The following SLC48A1 variants were observed in gnomAD, a reference collection of about 807,000 sequenced individuals.
SLC48A1 encodes heme transporter HRG1.
A neutral mutation model predicts 14.8 loss-of-function variants in SLC48A1; 6 were observed. The observed-to-expected ratio is 0.41, with a 90% CI of 0.22 to 0.80. SLC48A1 has a LOEUF of 0.80. Ranked by LOEUF, SLC48A1 falls within the 30% of genes least tolerant of loss-of-function variation. The pLI is 0.34. For missense variants in SLC48A1, 165 were observed against 204.8 expected (o/e 0.81, Z 1.19); for synonymous variants, 89 against 90.0 (o/e 0.99, Z 0.06).
intron 2 of SLC48A1, among the ~76,000 whole-genome samples, chr12:47,763,041 C>A (rs1942422253): frequency 6.6e-6 from 1 of 152,160 alleles, no homozygotes; most frequent in Non-Finnish European, 1.5e-5. Flanking sequence ...CAGTGTCTGG[C>A]ATGAAGCTGA....
Position 47,780,309 on chromosome 12 carries a change from G to A in SLC48A1, c.*28G>A. 6.2e-7 allele frequency: 1 copy of A among 1,614,034 alleles called. No homozygotes were observed. On this transcript the variant is annotated 3_prime_UTR_variant, in exon 3 of 3. Coordinates refer to ENST00000442218, the MANE Select transcript of SLC48A1 (RefSeq NM_017842.3). ...CAGGGGGTGAGGTCTCTGCACCCTG[G>A]GGGGGCCTTAGGACCTGGACTCAGC...
At chr12:47,773,223 G>C (rs1942664554), upstream of SLC48A1, 2 of 1,098,956 alleles carry the variant, frequency 1.8e-6, no homozygotes, top group South Asian at 8.5e-5. Flanking sequence ...GGCGGCTCCC[G>C]CGGCTCCGGC....
In SLC48A1 at chr12:47,773,341, G is replaced by T. The variant is rs1429094557; in HGVS notation, c.37G>T (p.Ala13Ser). Reference sequence around the variant, plus strand: ...CAGGCTGCAGCTCGGCCTCCGCGCCGCCTACTCCGGCATCAGCTCCGTGGC... The same window carrying T: ...CAGGCTGCAGCTCGGCCTCCGCGCCTCCTACTCCGGCATCAGCTCCGTGGC... ...PSRLQLGLRA[A>S]YSGISSVAGF... is the part of the protein sequence containing the mutation. Residue 13 changes from alanine (A) to serine (S), a missense_variant, in exon 1 of 3, where the codon GCC becomes TCC. By Grantham distance (99) the Ala-to-Ser change is moderately conservative (BLOSUM62 1). Transcript: ENST00000442218. 1.4e-6 allele frequency: 2 copies of T among 1,473,692 alleles called. No individual in the cohort carries two copies. Among genetic ancestry groups the T allele is most frequent in the Admixed American group, 2.5e-5 (1 of 40,660 alleles). 91.3% of individuals were successfully genotyped at this position (1,473,692 alleles called of 1,614,324 possible).
rs149782280 is a variant in SLC48A1, at chr12:47,763,873, C to G, written c.-187+3472C>G. 3.0e-3 allele frequency among the ~76,000 whole-genome samples: 452 copies of G among 152,316 alleles called. 2 individuals carry two copies. The highest frequency in any genetic ancestry group is 0.01 in the African/African-American group (432 of 41,570). ...GGTGAAAGCAGGAACCCCACACTCT[C>G]CTGGAGGCACATTCCTCTGGCTGGT... is the stretch of plus-strand genomic sequence containing the variant. On this transcript the variant is annotated intron_variant, in intron 2 of 4. Transcript: ENST00000547002.
intron 1 of SLC48A1, among the ~76,000 whole-genome samples, chr12:47,760,054 G>C (rs75596544): frequency 7.1e-6 from 1 of 141,604 alleles, no homozygotes; most frequent in African/African-American, 2.5e-5. Context: ...CTTGAAAGTG[G>C]GGAGAGAAAT....
chr12:47,760,966 G>A (rs1038302732), intron 2 of SLC48A1, among the ~76,000 whole-genome samples: 38 of 152,200 alleles, frequency 2.5e-4, no homozygotes, highest in South Asian at 2.1e-4. Context: ...GGAGGCTGAG[G>A]TGGGGGTGAA....
Position 47,781,198 on chromosome 12 carries a change from GA to G in SLC48A1, c.*918del. On this transcript the variant is annotated 3_prime_UTR_variant, in exon 3 of 3. Transcript: ENST00000442218. Reference sequence around the variant, plus strand: ...ACACAGGCATCCATACACCCCAGAAGACTTCCCAAATGAGGCCAGACTCAGG... The same window carrying G: ...ACACAGGCATCCATACACCCCAGAAGCTTCCCAAATGAGGCCAGACTCAGG... 3.9e-6 allele frequency: 1 copy of G among 257,840 alleles called. No individual in the cohort carries two copies. The highest frequency in any genetic ancestry group is 7.7e-6 in the Non-Finnish European group (1 of 129,480). 16.0% of individuals were successfully genotyped at this position (257,840 alleles called of 1,614,324 possible). A position where few individuals can be genotyped will look rare whatever the true frequency, so the allele number is the denominator to read the frequency against.
chr12:47,758,931 T>G, intron 1 of SLC48A1: 1 of 1,031,850 alleles, frequency 9.7e-7, no homozygotes. Flanking sequence ...CCCGCCCCCT[T>G]CCCCTCCCCA....
chr12:47,782,054 A>G lies in SLC48A1; in HGVS notation c.*1773A>G, dbSNP rs4760654. 119,844 of 152,268 alleles carry G rather than the reference A, an allele frequency of 0.79. 47,411 individuals carry two copies. Among genetic ancestry groups the G allele is most frequent in the East Asian group, 0.92 (4,745 of 5,152 alleles). The allele number at this position is 152,268 out of a possible 1,614,324, so 9.4% of individuals were successfully genotyped here. A position where few individuals can be genotyped will look rare whatever the true frequency, so the allele number is the denominator to read the frequency against. On this transcript the variant is annotated 3_prime_UTR_variant, in exon 3 of 3. Transcript: ENST00000442218. ...TTCCCTCACACTCTGCCAGGCTGCCAGGAGCTTGGGCCAGGTCTAAGGTAA... is the reference window on the plus strand; with the variant it reads ...TTCCCTCACACTCTGCCAGGCTGCCGGGAGCTTGGGCCAGGTCTAAGGTAA...
intron 1 of SLC48A1, 22 bp downstream of exon 1, chr12:47,773,462 CGCGGGGCGGGTGCGCGGCT>C (rs1172626194): frequency 3.8e-6 from 5 of 1,318,766 alleles, no homozygotes; most frequent in African/African-American, 3.1e-5. Context: ...CGCTGGGCGG[CGCGGGGCGGGTGCGCGGCT>C]GCGGGGCGGG....
At chr12:47,776,049 T>A (rs528504359) in intron 1 of SLC48A1, among the ~76,000 whole-genome samples, 52 of 152,310 alleles carry the variant, frequency 3.4e-4, no homozygotes, top group African/African-American at 1.2e-3. Flanking sequence ...TTTTCCCAGG[T>A]GAGCTGTGAG....
Position 47,779,012 on chromosome 12 carries a change from T to A in SLC48A1, c.137-16T>A, listed in dbSNP as rs1942807509. On this transcript the variant is annotated splice_polypyrimidine_tract_variant and intron_variant, in intron 1 of 2. Coordinates refer to ENST00000442218, the MANE Select transcript of SLC48A1 (RefSeq NM_017842.3). ...GGAGCACCCTGGGGATGGGCCCTGA[T>A]GTGTCTCTCCTGCAGGGGTGCTGGC... 6.4e-7 allele frequency: 1 copy of A among 1,550,584 alleles called. No individual in the cohort carries two copies. Among genetic ancestry groups the A allele is most frequent in the Non-Finnish European group, 8.7e-7 (1 of 1,146,408 alleles).
chr12:47,758,200 T>A, upstream of SLC48A1: 1 of 1,441,436 alleles, frequency 6.9e-7, no homozygotes, highest in Non-Finnish European at 9.1e-7. Context: ...GCGGAGGTGC[T>A]GCAACCCTGC....
upstream of SLC48A1, chr12:47,758,465 C>A: frequency 6.3e-7 from 1 of 1,588,106 alleles, no homozygotes; most frequent in Non-Finnish European, 8.6e-7. Flanking sequence ...GACTAACCCT[C>A]CCTCTCCCAC....
Position 47,773,458 on chromosome 12 carries a change from G to A in SLC48A1, c.136+18G>A. 10 of 1,320,500 alleles carry A rather than the reference G, an allele frequency of 7.6e-6. No individual in the cohort carries two copies. The highest frequency in any genetic ancestry group is 9.7e-6 in the Non-Finnish European group (10 of 1,028,528). 81.8% of individuals were successfully genotyped at this position (1,320,500 alleles called of 1,614,324 possible). A position where few individuals can be genotyped will look rare whatever the true frequency, so the allele number is the denominator to read the frequency against. On this transcript the variant is annotated intron_variant, in intron 1 of 2. Transcript: ENST00000442218. ...GCTCGCAGGTACCCCGGGACGCTGG[G>A]CGGCGCGGGGCGGGTGCGCGGCTGC...
intron 2 of SLC48A1, among the ~76,000 whole-genome samples, chr12:47,779,897 A>G (rs1202394854): frequency 1.3e-5 from 2 of 152,350 alleles, no homozygotes; most frequent in East Asian, 3.9e-4. Context: ...GAGGTGGAAC[A>G]GTTTCATCCC....
At chr12:47,778,564 G>A (rs957758647) in intron 1 of SLC48A1, 2 of 158,324 alleles carry the variant, frequency 1.3e-5, no homozygotes, top group African/African-American at 4.8e-5. Flanking sequence ...CAGAAAGCAG[G>A]CTGGGCTGCT....
intron 1 of SLC48A1, among the ~76,000 whole-genome samples, chr12:47,759,910 G>T (rs1012660363): frequency 6.6e-6 from 1 of 152,040 alleles, no homozygotes; most frequent in African/African-American, 2.4e-5. Context: ...CCCAATTTTG[G>T]GATGCCAAGC....
intron 1 of SLC48A1, 35 bp downstream of exon 1, chr12:47,773,475 C>A: frequency 7.7e-7 from 1 of 1,297,422 alleles, no homozygotes; most frequent in Non-Finnish European, 9.8e-7. Context: ...GGGGCGGGTG[C>A]GCGGCTGCGG....
Sources: gnomAD v4.1 joint callset for allele counts (sites outside exome capture counted in the v4.1 genomes callset) on GRCh38, gnomAD v4.1.1 for gene constraint, MANE v1.5 for transcripts, NCBI Gene and HGNC (gene_info 2026-07-23, HGNC 2026-07-21) for gene names.